The following AEBP2 variants were observed in gnomAD, a reference collection of about 807,000 sequenced individuals.
The protein encoded by AEBP2 is AE binding protein 2.
AEBP2 carries 10 observed loss-of-function variants against 50.8 expected under a neutral mutation model. That is an observed-to-expected ratio of 0.20 (90% CI 0.12 to 0.33). The LOEUF is 0.33. Ranked by LOEUF, AEBP2 falls within the 10% of genes least tolerant of loss-of-function variation. The pLI is 1.00. For synonymous variants in AEBP2, 296 were observed against 261.3 expected, an observed-to-expected ratio of 1.13 and a Z score of -1.28; for missense variants, 570 against 688.0, an observed-to-expected ratio of 0.83 and a Z score of 1.92.
At chr12:19,428,550 G>A (rs1170666893) in intron 1 of AEBP2, among the ~76,000 whole-genome samples, 2 of 152,210 alleles carry the variant, frequency 1.3e-5, no homozygotes, top group African/African-American at 2.4e-5. Context: ...GGTGGCTCAC[G>A]CCTGTAATTC....
chr12:19,506,432 G>C (rs1366703038), intron 5 of AEBP2, among the ~76,000 whole-genome samples: 1 of 152,128 alleles, frequency 6.6e-6, no homozygotes, highest in Non-Finnish European at 1.5e-5. Context: ...GAAACTTGCT[G>C]TCAATAATTT....
intron 1 of AEBP2, among the ~76,000 whole-genome samples, chr12:19,450,309 A>G (rs1466018092): frequency 6.6e-6 from 1 of 151,820 alleles, no homozygotes; most frequent in African/African-American, 2.4e-5. Flanking sequence ...AATTTGGGAC[A>G]ATTTCTTTCT....
At chr12:19,471,380 G>A (rs1231857355) in intron 2 of AEBP2, among the ~76,000 whole-genome samples, 1 of 151,998 alleles carries the variant, frequency 6.6e-6, no homozygotes, top group Admixed American at 6.5e-5. Flanking sequence ...GCCTTCCAAA[G>A]TGCTGGGGTT....
At chr12:19,512,665 C>A (rs1298665362) in intron 6 of AEBP2, among the ~76,000 whole-genome samples, 200 bp downstream of exon 6, 1 of 149,248 alleles carries the variant, frequency 6.7e-6, no homozygotes, top group Non-Finnish European at 1.5e-5. Context: ...CTTAAGCCCC[C>A]CCTCTTTTTT....
Position 19,512,437 on chromosome 12 carries a change from C to G in AEBP2, c.1339C>G (p.Leu447Val). The G allele has an allele frequency of 1.3e-6, 2 of 1,580,054 alleles. No homozygotes were observed. Among genetic ancestry groups the G allele is most frequent in the Non-Finnish European group, 1.7e-6 (2 of 1,160,998 alleles). ...KRKEDSGKIK[L>V]LLHWMPEDIL... ...AAAAGAAGATTCTGGGAAGATCAAA[C>G]TTTTGCTTCATTGGATGCCTGAAGA... The change falls in exon 6 of 8, where the codon CTT becomes GTT. Residue 447 changes from leucine (L) to valine (V), a missense_variant. Leu to Val is a conservative substitution (Grantham distance 32, BLOSUM62 1). This residue lies in a region of AEBP2 where 184 missense variants were observed against 351.2 expected (regional missense o/e 0.52). Coordinates refer to ENST00000266508, the MANE Select transcript of AEBP2 (RefSeq NM_153207.5).
At position 19,468,719 on chromosome 12, in the gene AEBP2, C is replaced by CA. The variant is rs537460682; in HGVS notation, c.880-4528dup. ...GATATTGACCAAAGTGAAGGAGACTCAGACTACCCTTGGCTCCTAGGTTTG... is the reference window on the plus strand; with the variant it reads ...GATATTGACCAAAGTGAAGGAGACTCAAGACTACCCTTGGCTCCTAGGTTTG... On this transcript the variant is annotated intron_variant, in intron 2 of 7. Transcript: ENST00000266508. Among the ~76,000 whole-genome samples the CA allele has an allele frequency of 1.4e-4, 21 of 152,292 alleles. No homozygotes were observed. The South Asian group carries it at 4.3e-3, about 32-fold the overall frequency.
intron 3 of AEBP2, among the ~76,000 whole-genome samples, chr12:19,488,290 A>ATTTTTT (rs34804680): frequency 8.4e-6 from 1 of 118,418 alleles, no homozygotes; most frequent in Non-Finnish European, 1.8e-5. Context: ...TAATTTTTGT[A>ATTTTTT]TTTTTTTTTT....
intron 1 of AEBP2, among the ~76,000 whole-genome samples, chr12:19,445,593 A>G (rs540836960): frequency 1.3e-5 from 2 of 152,264 alleles, no homozygotes; most frequent in East Asian, 3.9e-4. Context: ...GGCAGAGAGA[A>G]TCACTGCACA....
rs369410408 is a variant in AEBP2 at position 19,479,717 on chromosome 12, G to GTTTTT, written c.987+6389_987+6393dup. On this transcript the variant is annotated intron_variant, in intron 3 of 7. Coordinates refer to ENST00000266508, the MANE Select transcript of AEBP2 (RefSeq NM_153207.5). ...ATTATTTAATGTCACCTCTTTGTGG[G>GTTTTT]TTTTTTTTTTTTTTTTTTTTTTTTT... Among the ~76,000 whole-genome samples, 31 of 22,332 alleles carry GTTTTT rather than the reference G, an allele frequency of 1.4e-3. 1 individual carries two copies. The highest frequency in any genetic ancestry group is 1.7e-3 in the Non-Finnish European group (19 of 11,038). The allele number at this position is 22,332 out of a possible 152,430, so 14.7% of individuals were successfully genotyped here.
At chr12:19,448,855 T>C (rs1224668631) in intron 1 of AEBP2, among the ~76,000 whole-genome samples, 1 of 152,040 alleles carries the variant, frequency 6.6e-6, no homozygotes. Flanking sequence ...GCTTTTTTCA[T>C]TTTTTGTAGA....
chr12:19,463,667 ATTTTT>A (rs34007914), intron 2 of AEBP2, among the ~76,000 whole-genome samples: 8 of 84,666 alleles, frequency 9.4e-5, no homozygotes, highest in East Asian at 7.4e-4. Context: ...TCATACTTGA[ATTTTT>A]TTTTTTTTTT....
At position 19,518,792 on chromosome 12, in the gene AEBP2, GT is replaced by G; in HGVS notation, c.*676del. ...AAAATTACTGTTAAAGAGTGTTGCA[GT>G]ATGTCTGGTGGCTCCCTTTTCAGGA... On this transcript the variant is annotated 3_prime_UTR_variant, in exon 8 of 8. Transcript: ENST00000266508. The G allele has an allele frequency of 1.5e-6, 2 of 1,343,998 alleles. No homozygotes were observed. Among genetic ancestry groups the G allele is most frequent in the Non-Finnish European group, 2.0e-6 (2 of 991,222 alleles). 83.3% of individuals were successfully genotyped at this position (1,343,998 alleles called of 1,614,324 possible).
rs138477953 is a variant in AEBP2, at chr12:19,470,477, A to G, written c.880-2771A>G. ...AGGCCTTTTTTGGATCTTTCTACAC[A>G]TTTCACCCCAATATAGCTAAACACA... On this transcript the variant is annotated intron_variant, in intron 2 of 7. Transcript: ENST00000266508. Among the ~76,000 whole-genome samples the G allele has an allele frequency of 3.0e-3, 454 of 152,212 alleles. 1 individual carries two copies. The highest frequency in any genetic ancestry group is 0.01 in the African/African-American group (435 of 41,542).
At position 19,406,638 on chromosome 12, in the gene AEBP2, G is replaced by A. The variant is rs543494438; in HGVS notation, c.-17+2422G>A. ...GGAGGTTGCAGTGAGCTGAGATTGCGCCATTGCACTCCAGCCTGGGCAGCA... is the reference window on the plus strand; with the variant it reads ...GGAGGTTGCAGTGAGCTGAGATTGCACCATTGCACTCCAGCCTGGGCAGCA... On this transcript the variant is annotated intron_variant, in intron 1 of 3. Transcript: ENST00000538425. Among the ~76,000 whole-genome samples, 6 of 148,232 alleles carry A rather than the reference G, an allele frequency of 4.0e-5. No homozygotes were observed. In the South Asian group the frequency reaches 6.8e-4, roughly 17 times the overall value.
intron 1 of AEBP2, among the ~76,000 whole-genome samples, chr12:19,423,042 G>C (rs1242798572): frequency 8.6e-6 from 1 of 116,674 alleles, no homozygotes; most frequent in South Asian, 3.0e-4. Flanking sequence ...TCCAGGCTGG[G>C]TGACAGAGTG....
chr12:19,461,503 C>CTTTAT (rs908262103), intron 1 of AEBP2, among the ~76,000 whole-genome samples: 10 of 151,814 alleles, frequency 6.6e-5, no homozygotes, highest in South Asian at 2.1e-4. Flanking sequence ...TGGCGTGATA[C>CTTTAT]TTTATTTTAT....
At chr12:19,458,045 A>T (rs1296751979) in intron 1 of AEBP2, among the ~76,000 whole-genome samples, 1 of 152,164 alleles carries the variant, frequency 6.6e-6, no homozygotes, top group African/African-American at 2.4e-5. Flanking sequence ...TGTGTGAAAA[A>T]ATTTAACATA....
At chr12:19,421,625 A>C (rs1293618596) in intron 1 of AEBP2, among the ~76,000 whole-genome samples, 4 of 152,218 alleles carry the variant, frequency 2.6e-5, no homozygotes, top group Non-Finnish European at 5.9e-5. Context: ...CTGTCTCAAA[A>C]AAATAAAACA....
At chr12:19,509,245 G>C (rs560146595) in intron 5 of AEBP2, 87 of 327,036 alleles carry the variant, frequency 2.7e-4, no homozygotes, top group African/African-American at 1.7e-3. Flanking sequence ...CACAGAGTCA[G>C]CTAAATTGAA....
Sources: gnomAD v4.1 joint callset for allele counts (sites outside exome capture counted in the v4.1 genomes callset) on GRCh38, gnomAD v4.1.1 for gene constraint, gnomAD v4.1.1 regional missense constraint, MANE v1.5 for transcripts, NCBI Gene and HGNC (gene_info 2026-07-23, HGNC 2026-07-21) for gene names.